The following DROSHA variants were observed in gnomAD, a reference collection of about 807,000 sequenced individuals.
DROSHA encodes drosha ribonuclease III.
In DROSHA, 56 loss-of-function variants were observed where a neutral mutation model predicts 181.9. The observed-to-expected ratio is 0.31, with a 90% CI of 0.25 to 0.38. DROSHA has a LOEUF of 0.38. Ranked by LOEUF, DROSHA falls within the 10% of genes least tolerant of loss-of-function variation. The pLI, the probability that DROSHA is intolerant of heterozygous loss-of-function variation, is 1.00. For missense variants in DROSHA, 1,218 were observed against 1,743.5 expected (o/e 0.70, Z 5.37); for synonymous variants, 524 against 591.2 (o/e 0.89, Z 1.65).
intron 23 of DROSHA, among the ~76,000 whole-genome samples, chr5:31,443,351 T>C (rs988125599): frequency 5.3e-5 from 8 of 151,702 alleles, no homozygotes; most frequent in Non-Finnish European, 1.2e-4. Context: ...GCAATGACTC[T>C]CCAAAAGAAA....
At chr5:31,405,645 G>A in intron 35 of DROSHA, 32 bp downstream of exon 35, 1 of 1,523,188 alleles carries the variant, frequency 6.6e-7, no homozygotes, top group South Asian at 1.3e-5. Flanking sequence ...ATTACATTAT[G>A]AACATAATTA....
At chr5:31,437,112 A>G in intron 24 of DROSHA, 127 bp downstream of exon 24, 2 of 1,045,646 alleles carry the variant, frequency 1.9e-6, no homozygotes, top group Non-Finnish European at 2.8e-6. Flanking sequence ...TAAGCTCTAC[A>G]AAAGAGATAA....
chr5:31,526,760 G>A lies in DROSHA; in HGVS notation c.173C>T (p.Ala58Val). 3.8e-6 allele frequency: 6 copies of A among 1,593,856 alleles called. No homozygotes were observed. The highest frequency in any genetic ancestry group is 1.1e-5 in the South Asian group (1 of 88,082). ...AGAGTTTGAGAAAGTGGTGGAAGGG[G>A]CACTTGGAGGTTCATATTGATATTG... ...PVQYQYEPPS[A>V]PSTTFSNSPA... The change falls in exon 5 of 36, where the codon GCC (alanine) becomes GTC (valine). Residue 58 changes from alanine to valine, a missense_variant. Physicochemically the swap from Ala to Val is moderately conservative, Grantham distance 64 (BLOSUM62 0). Transcript: ENST00000344624.
intron 20 of DROSHA, among the ~76,000 whole-genome samples, chr5:31,459,914 TACA>T (rs1247195819): frequency 2.0e-5 from 3 of 152,182 alleles, no homozygotes; most frequent in Non-Finnish European, 4.4e-5. Flanking sequence ...CTTAAGAAGT[TACA>T]ATGTCTCCGC....
chr5:31,420,819 C>G (rs1742571205), intron 30 of DROSHA, among the ~76,000 whole-genome samples: 1 of 152,234 alleles, frequency 6.6e-6, no homozygotes. Flanking sequence ...TGCACAAGTA[C>G]AGCAATTTAC....
intron 6 of DROSHA, among the ~76,000 whole-genome samples, chr5:31,516,434 T>C (rs1056994359): frequency 3.3e-5 from 5 of 152,182 alleles, no homozygotes; most frequent in African/African-American, 1.2e-4. Context: ...TACATCCAGA[T>C]CAAAGTAATA....
chr5:31,507,290 A>G lies in DROSHA; in HGVS notation c.1587+1331T>C, dbSNP rs539094804. On this transcript the variant is annotated intron_variant, in intron 10 of 35. Transcript: ENST00000344624. ...AGCCTGATCAACATGGAGAAACCCT[A>G]TCTCTACTAAAAATACAAAATTGGC... Among the ~76,000 whole-genome samples the G allele has an allele frequency of 2.2e-4, 33 of 152,210 alleles. No individual in the cohort carries two copies. The South Asian group carries it at 6.2e-3, about 29-fold the overall frequency.
At chr5:31,452,387 G>T (rs1166468522) in intron 20 of DROSHA, among the ~76,000 whole-genome samples, 3 of 152,166 alleles carry the variant, frequency 2.0e-5, no homozygotes, top group Non-Finnish European at 4.4e-5. Context: ...CACCAGTATA[G>T]TTAAGGTACC....
At chr5:31,439,237 C>T (rs1745250044) in intron 23 of DROSHA, among the ~76,000 whole-genome samples, 1 of 152,214 alleles carries the variant, frequency 6.6e-6, no homozygotes, top group Non-Finnish European at 1.5e-5. Flanking sequence ...ATAAACAAGT[C>T]ATAAGTTTTA....
rs1261328414 is a variant in DROSHA, at chr5:31,439,251, T to G, written c.2883-1953A>C. Among the ~76,000 whole-genome samples, 3 of 152,208 alleles carry G rather than the reference T, an allele frequency of 2.0e-5. No individual in the cohort carries two copies. In the South Asian group the frequency reaches 6.2e-4, roughly 31 times the overall value. The stretch of plus-strand genomic sequence containing the variant: ...AATAAACAAGTCATAAGTTTTAAAT[T>G]GCATGCTGTTCTTCAACATATGGTA... On this transcript the variant is annotated intron_variant, in intron 23 of 35. Transcript: ENST00000344624.
intron 30 of DROSHA, among the ~76,000 whole-genome samples, chr5:31,414,488 G>A (rs1197238318): frequency 1.3e-5 from 2 of 152,138 alleles, no homozygotes. Context: ...TTGTGGCTCT[G>A]GCACTTCCTA....
intron 16 of DROSHA, among the ~76,000 whole-genome samples, chr5:31,477,897 G>A (rs1425386915): frequency 6.6e-6 from 1 of 152,116 alleles, no homozygotes. Context: ...TTTGGTTTCT[G>A]GTAAACTGGT....
intron 20 of DROSHA, 90 bp from the exon 21 acceptor site, chr5:31,451,730 A>G (rs1007005435): frequency 4.9e-6 from 5 of 1,016,688 alleles, no homozygotes; most frequent in Middle Eastern, 5.4e-4. Flanking sequence ...CCATTTTCAC[A>G]TTCCAAATTC....
At chr5:31,519,470 C>G (rs1257478720) in intron 6 of DROSHA, among the ~76,000 whole-genome samples, 1 of 152,106 alleles carries the variant, frequency 6.6e-6, no homozygotes, top group African/African-American at 2.4e-5. Flanking sequence ...AAGTGGGGGC[C>G]TTTGTTAATG....
intron 25 of DROSHA, among the ~76,000 whole-genome samples, chr5:31,433,782 G>A (rs904396686): frequency 6.6e-6 from 1 of 152,128 alleles, no homozygotes; most frequent in South Asian, 2.1e-4. Context: ...TCCTGACCTC[G>A]TGATCTGCCT....
rs1411917428 is a variant in DROSHA at position 31,470,980 on chromosome 5, T to C, written c.2241+1083A>G. Among the ~76,000 whole-genome samples, 1 of 152,242 alleles carries C rather than the reference T, an allele frequency of 6.6e-6. No individual in the cohort carries two copies. The highest frequency in any genetic ancestry group is 1.5e-5 in the Non-Finnish European group (1 of 68,040). ...TACTCTGAGAGTGTTATTACTTACA[T>C]ATTTCTTTTAAAGTTACTTTAATAA... On this transcript the variant is annotated intron_variant, in intron 17 of 35. Coordinates refer to ENST00000344624, the MANE Select transcript of DROSHA (RefSeq NM_001382508.1). The surrounding 1 kb of genome is among the most constrained non-coding windows in gnomAD (Gnocchi z 4.0).
chr5:31,483,700 T>G (rs987799265), intron 15 of DROSHA, 72 bp from the exon 16 acceptor site: 2 of 1,420,774 alleles, frequency 1.4e-6, no homozygotes, highest in Admixed American at 4.9e-5. Context: ...TGCAACTTAA[T>G]TTCTAAGATT....
Position 31,466,162 on chromosome 5 carries a change from G to C in DROSHA, c.2466+20C>G, listed in dbSNP as rs746452124. The stretch of plus-strand genomic sequence containing the variant: ...AAGCACATCATCGTTAATCACCAAG[G>C]AATGGAGTTTGATACAGACCTCCCT... On this transcript the variant is annotated intron_variant, in intron 19 of 35. Coordinates refer to ENST00000344624, the MANE Select transcript of DROSHA (RefSeq NM_001382508.1). The C allele has an allele frequency of 6.2e-7, 1 of 1,607,948 alleles. No individual in the cohort carries two copies. Among genetic ancestry groups the C allele is most frequent in the Admixed American group, 1.7e-5 (1 of 59,978 alleles).
At chr5:31,428,462 T>C (rs1224477018) in intron 27 of DROSHA, among the ~76,000 whole-genome samples, 1 of 152,198 alleles carries the variant, frequency 6.6e-6, no homozygotes, top group African/African-American at 2.4e-5. Flanking sequence ...CAAATCAAGA[T>C]GCACATGTGT....
Sources: allele counts gnomAD v4.1 joint callset (sites outside exome capture counted in the v4.1 genomes callset), GRCh38; gene constraint gnomAD v4.1.1; non-coding constraint Gnocchi (gnomAD v3.1); transcripts MANE v1.5; gene names NCBI Gene and HGNC (gene_info 2026-07-23, HGNC 2026-07-21).